The following SLC24A3 variants were observed in gnomAD, a reference collection of about 807,000 sequenced individuals.
SLC24A3 encodes sodium/potassium/calcium exchanger 3.
A neutral mutation model predicts 75.8 loss-of-function variants in SLC24A3; 28 were observed. That is an observed-to-expected ratio of 0.37 (90% CI 0.27 to 0.51). The LOEUF is 0.51. SLC24A3 is among the 20% of genes least tolerant of loss of function. SLC24A3 has a pLI of 0.94. For missense variants in SLC24A3, 663 were observed against 847.8 expected (o/e 0.78, Z 2.71); for synonymous variants, 372 against 334.1 (o/e 1.11, Z -1.24).
chr20:19,466,162 G>A (rs538154498), intron 2 of SLC24A3, among the ~76,000 whole-genome samples: 1 of 152,302 alleles, frequency 6.6e-6, no homozygotes, highest in South Asian at 2.1e-4. Flanking sequence ...CTTGAATGTA[G>A]GAGTCTAAAT....
At chr20:19,247,848 A>G (rs929917393) in intron 1 of SLC24A3, among the ~76,000 whole-genome samples, 1 of 152,318 alleles carries the variant, frequency 6.6e-6, no homozygotes, top group Admixed American at 6.5e-5. Context: ...TAGATGTTTT[A>G]TATCTACTTG....
chr20:19,513,738 G>GAA (rs11286635), intron 2 of SLC24A3, among the ~76,000 whole-genome samples: 1 of 141,738 alleles, frequency 7.1e-6, no homozygotes, highest in African/African-American at 2.6e-5. Context: ...TTTTTTTTTA[G>GAA]AAAAAAAAAA....
chr20:19,278,191 A>G (rs1053393010), intron 1 of SLC24A3, among the ~76,000 whole-genome samples: 8 of 152,136 alleles, frequency 5.3e-5, no homozygotes, highest in Admixed American at 3.9e-4. Context: ...GCTTCAACCA[A>G]TGTTAGACTA....
At chr20:19,402,278 C>T (rs1039217770) in intron 2 of SLC24A3, among the ~76,000 whole-genome samples, 6 of 152,178 alleles carry the variant, frequency 3.9e-5, no homozygotes, top group African/African-American at 7.2e-5. Context: ...GTTCAGTTTA[C>T]GAAAGCAGAT....
chr20:19,571,904 C>T (rs927245578), intron 3 of SLC24A3, among the ~76,000 whole-genome samples: 3 of 152,124 alleles, frequency 2.0e-5, no homozygotes, highest in Non-Finnish European at 4.4e-5. Context: ...TAACTCACTC[C>T]CCTCTTGTTT....
chr20:19,593,402 G>A (rs1216487136), intron 6 of SLC24A3, among the ~76,000 whole-genome samples: 1 of 152,134 alleles, frequency 6.6e-6, no homozygotes, highest in Non-Finnish European at 1.5e-5. Context: ...GTATAGTGAG[G>A]ACAAAAGCCA....
At chr20:19,385,461 A>T (rs6136700) in intron 2 of SLC24A3, among the ~76,000 whole-genome samples, 25,250 of 151,934 alleles carry the variant, frequency 0.17, 3,370 homozygotes, top group African/African-American at 0.33. Context: ...TGCATGAATT[A>T]ATTTCTGGGC....
intron 2 of SLC24A3, among the ~76,000 whole-genome samples, chr20:19,360,281 T>C (rs542147054): frequency 6.6e-6 from 1 of 152,342 alleles, no homozygotes; most frequent in South Asian, 2.1e-4. Context: ...CCTGTCGATG[T>C]CTGTACAAGT....
intron 7 of SLC24A3, among the ~76,000 whole-genome samples, chr20:19,658,141 C>T (rs3790280): frequency 0.26 from 39,630 of 152,006 alleles, 5,975 homozygotes; most frequent in South Asian, 0.34. Context: ...ACACGCCCAC[C>T]AAGGGGTTCT....
intron 6 of SLC24A3, among the ~76,000 whole-genome samples, chr20:19,633,785 C>T (rs563237168): frequency 2.0e-5 from 3 of 152,008 alleles, no homozygotes; most frequent in Admixed American, 6.5e-5. Flanking sequence ...AGGTTTAGGA[C>T]CACAACTTAT....
intron 2 of SLC24A3, among the ~76,000 whole-genome samples, chr20:19,409,340 A>G (rs1289152969): frequency 6.6e-6 from 1 of 152,146 alleles, no homozygotes; most frequent in Non-Finnish European, 1.5e-5. Flanking sequence ...GAAGCAAAAC[A>G]TGAGTGCAGA....
chr20:19,486,471 A>C (rs1342746144), intron 2 of SLC24A3, among the ~76,000 whole-genome samples: 1 of 152,246 alleles, frequency 6.6e-6, no homozygotes, highest in African/African-American at 2.4e-5. Flanking sequence ...AATTTCCGAA[A>C]GAAAGTATCT....
chr20:19,632,137 C>T (rs751175997), intron 6 of SLC24A3, among the ~76,000 whole-genome samples: 3 of 152,140 alleles, frequency 2.0e-5, no homozygotes, highest in Non-Finnish European at 4.4e-5. Context: ...AATTGGAACC[C>T]CTCCTTTAGA....
chr20:19,496,539 A>G (rs546267118), intron 2 of SLC24A3, among the ~76,000 whole-genome samples: 2 of 152,260 alleles, frequency 1.3e-5, no homozygotes, highest in South Asian at 4.1e-4. Context: ...TGATCAAGAG[A>G]ATGTTTGTGG....
At position 19,528,538 on chromosome 20, in the gene SLC24A3, A is replaced by G. The variant is rs575448518; in HGVS notation, c.348+12974A>G. Among the ~76,000 whole-genome samples, 272 of 152,280 alleles carry G rather than the reference A, an allele frequency of 1.8e-3. 1 individual carries two copies. Among genetic ancestry groups the G allele is most frequent in the Non-Finnish European group, 3.4e-3 (233 of 68,022 alleles). ...AAAATCAGGTCTACACGTGGCCCTC[A>G]CTATTGCGACTTTGGTTTGGATGCT... is the stretch of plus-strand genomic sequence containing the variant. On this transcript the variant is annotated intron_variant, in intron 3 of 16. Coordinates refer to ENST00000328041, the MANE Select transcript of SLC24A3 (RefSeq NM_020689.4).
chr20:19,424,772 C>T (rs1414024882), intron 2 of SLC24A3, among the ~76,000 whole-genome samples: 1 of 90,596 alleles, frequency 1.1e-5, no homozygotes, highest in Non-Finnish European at 2.6e-5. Flanking sequence ...AAAAAAAAAA[C>T]TTGAGCATAG....
intron 15 of SLC24A3, among the ~76,000 whole-genome samples, chr20:19,711,471 A>T (rs1464498949): frequency 2.7e-5 from 4 of 147,028 alleles, no homozygotes; most frequent in Non-Finnish European, 6.0e-5. Flanking sequence ...CACATGCACA[A>T]ATGCAAACAC....
intron 3 of SLC24A3, among the ~76,000 whole-genome samples, chr20:19,555,662 A>T (rs2122604466): frequency 6.6e-6 from 1 of 152,312 alleles, no homozygotes; most frequent in South Asian, 2.1e-4. Context: ...TTTGAAGACG[A>T]TTAACAGAAC....
intron 12 of SLC24A3, among the ~76,000 whole-genome samples, chr20:19,686,659 C>T (rs118063559): frequency 6.6e-4 from 101 of 152,242 alleles, no homozygotes; most frequent in East Asian, 4.3e-3. Context: ...ATTTTGGATG[C>T]GCAGGGTCTT....
Sources: gnomAD v4.1 joint callset for allele counts (sites outside exome capture counted in the v4.1 genomes callset) on GRCh38, gnomAD v4.1.1 for gene constraint, MANE v1.5 for transcripts, NCBI Gene and HGNC (gene_info 2026-07-23, HGNC 2026-07-21) for gene names.